RALGAPA1: variants seen among roughly 807,000 people sequenced by gnomAD.
The protein encoded by RALGAPA1 is Ral GTPase activating protein catalytic subunit alpha 1.
In RALGAPA1, 52 loss-of-function variants were observed where a neutral mutation model predicts 269.6. The observed-to-expected ratio is 0.19, with a 90% CI of 0.15 to 0.24. The LOEUF is 0.24. Among genes scored for constraint, RALGAPA1 ranks in the 10% least tolerant of loss-of-function variants. The pLI, the probability that RALGAPA1 is intolerant of heterozygous loss-of-function variation, is 1.00. For synonymous variants in RALGAPA1, 817 were observed against 1,008.3 expected, an observed-to-expected ratio of 0.81 and a Z score of 3.60; for missense variants, 1,917 against 3,013.9, an observed-to-expected ratio of 0.64 and a Z score of 8.52.
chr14:35,596,168 T>G (rs2058921504), intron 36 of RALGAPA1, among the ~76,000 whole-genome samples: 1 of 152,056 alleles, frequency 6.6e-6, no homozygotes. Context: ...AAATGATTAA[T>G]TTGGTGTGTT....
chr14:35,579,784 G>A (rs2057832543), intron 37 of RALGAPA1, among the ~76,000 whole-genome samples: 1 of 152,014 alleles, frequency 6.6e-6, no homozygotes, highest in South Asian at 2.1e-4. Flanking sequence ...TATGGGCAGA[G>A]TTTCTTCTAT....
At chr14:35,766,660 G>C (rs2074175569) in intron 4 of RALGAPA1, 2 of 691,608 alleles carry the variant, frequency 2.9e-6, no homozygotes, top group Non-Finnish European at 5.5e-6. Flanking sequence ...GTAAGAGGAA[G>C]AATTCTCTCA....
intron 31 of RALGAPA1, among the ~76,000 whole-genome samples, chr14:35,638,181 G>A (rs754261812): frequency 4.6e-5 from 7 of 152,108 alleles, no homozygotes; most frequent in Non-Finnish European, 7.4e-5. Flanking sequence ...ATACTATAAC[G>A]CTGTAATTGT....
intron 22 of RALGAPA1, chr14:35,677,065 G>A (rs530870243): frequency 2.0e-5 from 3 of 152,244 alleles, no homozygotes; most frequent in African/African-American, 7.2e-5. Flanking sequence ...CCCTTGGGCC[G>A]GGTGTGGTGG....
At chr14:35,763,425 G>A (rs935923444) in intron 4 of RALGAPA1, among the ~76,000 whole-genome samples, 1 of 151,430 alleles carries the variant, frequency 6.6e-6, no homozygotes, top group Non-Finnish European at 1.5e-5. Flanking sequence ...TCTAGGCTTT[G>A]GTATTAATCA....
At chr14:35,631,368 GA>G (rs1301455404) in intron 33 of RALGAPA1, among the ~76,000 whole-genome samples, 4 of 151,494 alleles carry the variant, frequency 2.6e-5, no homozygotes, top group Admixed American at 1.3e-4. Flanking sequence ...CTCTGTATAA[GA>G]ACTTCAAAAA....
At chr14:35,606,664 T>G (rs1594785396) in intron 35 of RALGAPA1, among the ~76,000 whole-genome samples, 1 of 152,002 alleles carries the variant, frequency 6.6e-6, no homozygotes, top group Non-Finnish European at 1.5e-5. Flanking sequence ...AACTAAGTCA[T>G]GCTACATTTA....
intron 39 of RALGAPA1, among the ~76,000 whole-genome samples, chr14:35,568,571 A>G (rs1332662936): frequency 6.6e-6 from 1 of 152,142 alleles, no homozygotes; most frequent in East Asian, 1.9e-4. Flanking sequence ...GACCTTATAA[A>G]TGGTAAGCTG....
At chr14:35,766,746 A>C (rs2074184391) in intron 4 of RALGAPA1, 1 of 533,116 alleles carries the variant, frequency 1.9e-6, no homozygotes, top group Admixed American at 2.0e-5. Context: ...CCTCATTGCT[A>C]ATGATTTTGT....
chr14:35,714,412 G>C (rs1645274643), intron 16 of RALGAPA1, among the ~76,000 whole-genome samples: 1 of 152,040 alleles, frequency 6.6e-6, no homozygotes, highest in African/African-American at 2.4e-5. Context: ...GTGCTTATTG[G>C]CCATTTGTGT....
At chr14:35,613,174 T>G (rs1026568734) in intron 35 of RALGAPA1, among the ~76,000 whole-genome samples, 1 of 151,954 alleles carries the variant, frequency 6.6e-6, no homozygotes, top group East Asian at 1.9e-4. Flanking sequence ...CTCTGCTTCC[T>G]GGGTTCAAGC....
At chr14:35,588,072 A>G (rs2058415886) in intron 37 of RALGAPA1, among the ~76,000 whole-genome samples, 1 of 152,040 alleles carries the variant, frequency 6.6e-6, no homozygotes, top group South Asian at 2.1e-4. Flanking sequence ...ACGCCCAGCT[A>G]GTTTTTGAAT....
chr14:35,716,037 A>G (rs2068788627), intron 16 of RALGAPA1: 1 of 984,856 alleles, frequency 1.0e-6, no homozygotes, highest in South Asian at 4.7e-5. Context: ...GAGTCATGTA[A>G]TGACTTTTTA....
chr14:35,600,876 T>G (rs971020148), intron 36 of RALGAPA1, among the ~76,000 whole-genome samples: 1 of 152,226 alleles, frequency 6.6e-6, no homozygotes, highest in Non-Finnish European at 1.5e-5. Context: ...GATGTGTAAT[T>G]TTTTATTGAA....
intron 12 of RALGAPA1, among the ~76,000 whole-genome samples, chr14:35,731,651 C>T (rs1416402423): frequency 6.6e-6 from 1 of 152,130 alleles, no homozygotes; most frequent in Non-Finnish European, 1.5e-5. Flanking sequence ...AGCTGGAAGA[C>T]ATGGTCTTCA....
At chr14:35,616,434 T>A (rs763078625) in intron 35 of RALGAPA1, among the ~76,000 whole-genome samples, 2 of 152,150 alleles carry the variant, frequency 1.3e-5, no homozygotes, top group South Asian at 2.1e-4. Flanking sequence ...TAGATAACAA[T>A]ATTAGATATT....
chr14:35,570,584 A>G (rs373514611), intron 39 of RALGAPA1, 33 bp downstream of exon 39: 2 of 1,549,600 alleles, frequency 1.3e-6, no homozygotes, highest in Non-Finnish European at 1.7e-6. Flanking sequence ...GACATACGTT[A>G]GAGTAGAAAC....
chr14:35,696,349 T>G (rs1413925496), intron 17 of RALGAPA1, among the ~76,000 whole-genome samples: 2 of 152,136 alleles, frequency 1.3e-5, no homozygotes, highest in Non-Finnish European at 2.9e-5. Flanking sequence ...TGAGTCATGT[T>G]TGCACCACTG....
chr14:35,679,558 T>C (rs2065233284), intron 21 of RALGAPA1, among the ~76,000 whole-genome samples: 1 of 152,244 alleles, frequency 6.6e-6, no homozygotes, highest in Admixed American at 6.5e-5. Context: ...TCATGTAATT[T>C]ACTGACTACT....
Sources: allele counts gnomAD v4.1 joint callset (sites outside exome capture counted in the v4.1 genomes callset), GRCh38; gene constraint gnomAD v4.1.1; transcripts MANE v1.5; gene names NCBI Gene and HGNC (gene_info 2026-07-23, HGNC 2026-07-21).